The following METTL15 variants were observed in gnomAD, a reference collection of about 807,000 sequenced individuals.
METTL15 encodes the protein 12S rRNA N(4)-cytidine methyltransferase METTL15.
A neutral mutation model predicts 38.3 loss-of-function variants in METTL15; 34 were observed. That is an observed-to-expected ratio of 0.89 (90% CI 0.68 to 1.18). The LOEUF (loss-of-function observed/expected upper bound fraction) is 1.18, where lower values mean the gene tolerates loss of function less well. Ranked by LOEUF, METTL15 falls within the 50% of genes most tolerant of loss-of-function variation. METTL15 has a pLI of 0.00. For missense variants in METTL15, 438 were observed against 498.4 expected (o/e 0.88, Z 1.15); for synonymous variants, 162 against 170.9 (o/e 0.95, Z 0.41).
chr11:28,174,100 A>C (rs1850962417), intron 3 of METTL15, among the ~76,000 whole-genome samples: 2 of 152,292 alleles, frequency 1.3e-5, no homozygotes, highest in Non-Finnish European at 2.9e-5. Flanking sequence ...GTGCATACTT[A>C]AGGAGTAGGG....
In METTL15 at chr11:28,387,697, A is replaced by T. The variant is rs1009887989; in HGVS notation, c.*358+25661A>T. 2.0e-5 allele frequency among the ~76,000 whole-genome samples: 3 copies of T among 152,062 alleles called. No homozygotes were observed. In the South Asian group the frequency reaches 6.2e-4, roughly 31 times the overall value. ...GAATGCTTTCAAACTCATTTTTTTGATGCCAGCATTACTCTGATACCAGAA... is the reference window on the plus strand; with the variant it reads ...GAATGCTTTCAAACTCATTTTTTTGTTGCCAGCATTACTCTGATACCAGAA... On this transcript the variant is annotated intron_variant and NMD_transcript_variant, in intron 5 of 7. Coordinates refer to the METTL15 transcript ENST00000532947.
intron 6 of METTL15, among the ~76,000 whole-genome samples, chr11:28,306,001 C>T (rs938827528): frequency 2.0e-5 from 3 of 152,086 alleles, no homozygotes; most frequent in East Asian, 1.9e-4. Context: ...ATTCAGAGTC[C>T]GATTCTAGGA....
intron 6 of METTL15, among the ~76,000 whole-genome samples, chr11:28,299,899 A>G (rs761820836): frequency 2.6e-5 from 4 of 152,012 alleles, no homozygotes; most frequent in Admixed American, 6.6e-5. Flanking sequence ...GCTTGTCGAT[A>G]TATCACTGTT....
chr11:28,219,892 G>C (rs1031217212), intron 4 of METTL15, among the ~76,000 whole-genome samples: 2 of 152,072 alleles, frequency 1.3e-5, no homozygotes. Flanking sequence ...TCTTAATCCT[G>C]ATTTCTAGGT....
At chr11:28,427,336 G>A (rs1850874656) in intron 6 of METTL15, among the ~76,000 whole-genome samples, 1 of 152,262 alleles carries the variant, frequency 6.6e-6, no homozygotes, top group East Asian at 1.9e-4. Context: ...GATTACTGTA[G>A]CCTTGTAGTA....
rs1851659381 is a variant in METTL15, at chr11:28,110,216, T to TG, written c.-201dup. The TG allele has an allele frequency of 6.6e-6, 1 of 152,250 alleles. No homozygotes were observed. The highest frequency in any genetic ancestry group is 2.1e-4 in the South Asian group (1 of 4,832). The allele number at this position is 152,250 out of a possible 1,614,324, so 9.4% of individuals were successfully genotyped here. On this transcript the variant is annotated 5_prime_UTR_variant, in exon 2 of 7. Coordinates refer to ENST00000407364, the MANE Select transcript of METTL15 (RefSeq NM_001113528.2). ...AACAGGACCCTTTGGCAGCTGAGGC[T>TG]GGAAACAGCGGAACCAAAGGCAGAC...
chr11:28,310,558 A>G (rs899210911), intron 6 of METTL15, among the ~76,000 whole-genome samples: 43 of 152,218 alleles, frequency 2.8e-4, no homozygotes, highest in African/African-American at 9.9e-4. Flanking sequence ...CTTAATATCC[A>G]ACCAATTCCC....
At chr11:28,280,667 CT>C (rs61571700) in intron 4 of METTL15, among the ~76,000 whole-genome samples, 56,634 of 134,952 alleles carry the variant, frequency 0.42, 12,280 homozygotes, top group East Asian at 0.67. Context: ...GTCTCTTATG[CT>C]TTTTTTTTTT....
intron 6 of METTL15, among the ~76,000 whole-genome samples, chr11:28,448,664 C>T (rs374927102): frequency 5.7e-4 from 86 of 152,208 alleles, no homozygotes; most frequent in African/African-American, 2.0e-3. Flanking sequence ...TAAGTTATGG[C>T]AGATCTTGCA....
At chr11:28,197,889 T>C (rs1047686708) in intron 3 of METTL15, among the ~76,000 whole-genome samples, 1 of 152,090 alleles carries the variant, frequency 6.6e-6, no homozygotes, top group Non-Finnish European at 1.5e-5. Context: ...ATTAGAACCA[T>C]GTTGAAACTG....
chr11:28,314,256 T>C (rs1857403717), intron 6 of METTL15, among the ~76,000 whole-genome samples: 1 of 152,200 alleles, frequency 6.6e-6, no homozygotes, highest in South Asian at 2.1e-4. Flanking sequence ...ATAAATATTT[T>C]TTGAAGAACA....
chr11:28,141,731 A>T (rs1045436917), intron 3 of METTL15, among the ~76,000 whole-genome samples: 1 of 152,030 alleles, frequency 6.6e-6, no homozygotes. Flanking sequence ...ATAAAATAAA[A>T]TCTTGTGACT....
At chr11:28,377,697 G>T (rs1230743740) in intron 5 of METTL15, among the ~76,000 whole-genome samples, 2 of 152,180 alleles carry the variant, frequency 1.3e-5, no homozygotes, top group Non-Finnish European at 1.5e-5. Flanking sequence ...TTCCTTTGCT[G>T]GTGAGGAGCT....
intron 3 of METTL15, among the ~76,000 whole-genome samples, chr11:28,196,284 C>CT (rs1851906384): frequency 6.6e-6 from 1 of 151,872 alleles, no homozygotes; most frequent in Non-Finnish European, 1.5e-5. Flanking sequence ...ATATAGACTG[C>CT]TTTGGGCAGT....
At chr11:28,171,042 G>C (rs780840455) in intron 3 of METTL15, among the ~76,000 whole-genome samples, 8 of 152,098 alleles carry the variant, frequency 5.3e-5, no homozygotes, top group Non-Finnish European at 1.0e-4. Context: ...CTGTCTTCTG[G>C]AGAAGCTGGC....
intron 4 of METTL15, among the ~76,000 whole-genome samples, chr11:28,232,356 T>C (rs1853722007): frequency 6.6e-6 from 1 of 151,808 alleles, no homozygotes; most frequent in South Asian, 2.1e-4. Context: ...ATATATATTA[T>C]CACTAGAAAA....
intron 6 of METTL15, among the ~76,000 whole-genome samples, chr11:28,451,767 G>A (rs1270063955): frequency 1.3e-5 from 2 of 152,142 alleles, no homozygotes; most frequent in Non-Finnish European, 2.9e-5. Context: ...TGCTGGTGAC[G>A]TTAGCCAAGA....
At chr11:28,124,562 A>G (rs2133614687) in intron 3 of METTL15, among the ~76,000 whole-genome samples, 1 of 152,292 alleles carries the variant, frequency 6.6e-6, no homozygotes, top group East Asian at 1.9e-4. Flanking sequence ...AGAGCCATTA[A>G]GTGACTGAGG....
chr11:28,387,297 G>A (rs1023078578), intron 5 of METTL15, among the ~76,000 whole-genome samples: 1 of 151,628 alleles, frequency 6.6e-6, no homozygotes, highest in Non-Finnish European at 1.5e-5. Context: ...CAACAAAATT[G>A]ACAAACTCTT....
Sources: allele counts gnomAD v4.1 joint callset (sites outside exome capture counted in the v4.1 genomes callset), GRCh38; gene constraint gnomAD v4.1.1; transcripts MANE v1.5; gene names NCBI Gene and HGNC (gene_info 2026-07-23, HGNC 2026-07-21).